Variants in SNTG1 observed in about 807,000 individuals in gnomAD.
SNTG1 encodes gamma-1-syntrophin.
In SNTG1, 39 loss-of-function variants were observed where a neutral mutation model predicts 74.7. The ratio of observed to expected loss-of-function variants is 0.52; its 90% CI spans 0.40 to 0.68. The LOEUF (loss-of-function observed/expected upper bound fraction) is 0.68. SNTG1 is among the 30% of genes least tolerant of loss of function. The pLI is 0.00. For synonymous variants in SNTG1, 254 were observed against 217.1 expected (o/e 1.17, Z -1.49); for missense variants, 685 against 609.5 (o/e 1.12, Z -1.30).
intron 8 of SNTG1, among the ~76,000 whole-genome samples, chr8:50,452,858 A>C (rs2093469509): frequency 6.6e-6 from 1 of 152,208 alleles, no homozygotes; most frequent in Non-Finnish European, 1.5e-5. Context: ...TAGAACAGAG[A>C]TATTAATTAA....
At chr8:50,392,835 A>G (rs2092680331) in intron 2 of SNTG1, among the ~76,000 whole-genome samples, 1 of 152,162 alleles carries the variant, frequency 6.6e-6, no homozygotes, top group Non-Finnish European at 1.5e-5. Context: ...TTTAAGATGT[A>G]TGCATTAAAA....
chr8:50,155,963 A>G (rs1364530478), intron 1 of SNTG1, among the ~76,000 whole-genome samples: 1 of 152,008 alleles, frequency 6.6e-6, no homozygotes, highest in Admixed American at 6.6e-5. Flanking sequence ...CATATATAGA[A>G]GTGTAAAAAG....
At chr8:50,690,692 T>A (rs2095374048) in intron 15 of SNTG1, among the ~76,000 whole-genome samples, 1 of 152,106 alleles carries the variant, frequency 6.6e-6, no homozygotes, top group Admixed American at 6.6e-5. Context: ...TTGGAGTAGG[T>A]GTGGTGTGGT....
intron 8 of SNTG1, among the ~76,000 whole-genome samples, chr8:50,461,214 G>T (rs1554534190): frequency 6.9e-6 from 1 of 145,492 alleles, no homozygotes; most frequent in Non-Finnish European, 1.5e-5. Context: ...TGACTGTACT[G>T]GGTTTATGTG....
intron 2 of SNTG1, among the ~76,000 whole-genome samples, chr8:50,249,466 C>T (rs578105819): frequency 1.3e-5 from 2 of 152,364 alleles, no homozygotes; most frequent in South Asian, 2.1e-4. Flanking sequence ...CCTAGCTTGA[C>T]AGCTTCCTAG....
chr8:50,391,448 C>T (rs183207877), intron 2 of SNTG1, among the ~76,000 whole-genome samples: 7 of 152,124 alleles, frequency 4.6e-5, no homozygotes, highest in Middle Eastern at 3.4e-3. Context: ...ATAAGCTTTT[C>T]GATGTGCTGC....
intron 2 of SNTG1, among the ~76,000 whole-genome samples, chr8:50,235,528 GA>G (rs1031202216): frequency 4.6e-5 from 7 of 151,872 alleles, no homozygotes; most frequent in Non-Finnish European, 7.4e-5. Flanking sequence ...GGTTTTCTAA[GA>G]AAAAAATGTA....
At chr8:50,454,236 C>A (rs2093482004) in intron 8 of SNTG1, among the ~76,000 whole-genome samples, 1 of 152,158 alleles carries the variant, frequency 6.6e-6, no homozygotes, top group Admixed American at 6.5e-5. Flanking sequence ...GTGGCTCATG[C>A]CTGTAATCCC....
chr8:50,421,041 G>A (rs2093076574), intron 4 of SNTG1, among the ~76,000 whole-genome samples: 1 of 102,854 alleles, frequency 9.7e-6, no homozygotes, highest in Non-Finnish European at 2.2e-5. Context: ...AAAAAAGGCG[G>A]TGGGCGGGGG....
At chr8:49,961,820 G>A (rs2129736305) in intron 1 of SNTG1, among the ~76,000 whole-genome samples, 1 of 152,262 alleles carries the variant, frequency 6.6e-6, no homozygotes, top group South Asian at 2.1e-4. Context: ...TAATGGAGAA[G>A]GACACAGACT....
At chr8:50,198,859 T>C (rs2083878513) in intron 2 of SNTG1, among the ~76,000 whole-genome samples, 1 of 151,776 alleles carries the variant, frequency 6.6e-6, no homozygotes, top group Non-Finnish European at 1.5e-5. Context: ...ATCAACAGTA[T>C]GAAAGAAAGG....
intron 2 of SNTG1, among the ~76,000 whole-genome samples, chr8:50,269,151 T>C (rs1179976417): frequency 6.6e-6 from 1 of 152,170 alleles, no homozygotes; most frequent in Non-Finnish European, 1.5e-5. Flanking sequence ...AAAGAAAATA[T>C]CTTTGATATC....
At chr8:50,723,067 A>G (rs896919495) in intron 17 of SNTG1, among the ~76,000 whole-genome samples, 1 of 152,154 alleles carries the variant, frequency 6.6e-6, no homozygotes, top group East Asian at 1.9e-4. Context: ...TCTTTTATGA[A>G]AATATCCTCA....
chr8:50,477,516 G>T (rs75251439), intron 8 of SNTG1, among the ~76,000 whole-genome samples: 2 of 152,062 alleles, frequency 1.3e-5, no homozygotes, highest in Admixed American at 6.6e-5. Flanking sequence ...TGGAGAAATT[G>T]TCAAATCCAA....
intron 2 of SNTG1, among the ~76,000 whole-genome samples, chr8:50,340,688 C>T (rs1287338331): frequency 1.3e-5 from 2 of 151,730 alleles, no homozygotes; most frequent in Non-Finnish European, 3.0e-5. Context: ...GGATACAATA[C>T]CAAAGCATGA....
chr8:50,196,165 CTCTA>C (rs1352811477), intron 2 of SNTG1, among the ~76,000 whole-genome samples: 1 of 152,128 alleles, frequency 6.6e-6, no homozygotes, highest in Non-Finnish European at 1.5e-5. Flanking sequence ...TCTAATGATT[CTCTA>C]TCTGAGTTGA....
At chr8:50,683,406 GA>G (rs566661882) in intron 15 of SNTG1, among the ~76,000 whole-genome samples, 1 of 152,132 alleles carries the variant, frequency 6.6e-6, no homozygotes, top group Non-Finnish European at 1.5e-5. Flanking sequence ...TCATTCTTTA[GA>G]AGAGGACTCA....
chr8:50,110,844 T>G (rs908874390), intron 1 of SNTG1, among the ~76,000 whole-genome samples: 2 of 152,092 alleles, frequency 1.3e-5, no homozygotes, highest in African/African-American at 4.8e-5. Flanking sequence ...CCTGGCTAAA[T>G]TGGGCCAATG....
At chr8:50,410,460 TC>T (rs1325559613) in intron 4 of SNTG1, among the ~76,000 whole-genome samples, 3 of 152,222 alleles carry the variant, frequency 2.0e-5, no homozygotes, top group African/African-American at 7.2e-5. Flanking sequence ...ATTGCATTCT[TC>T]TTTTATTTAA....
Sources: allele counts gnomAD v4.1 joint callset (sites outside exome capture counted in the v4.1 genomes callset), GRCh38; gene constraint gnomAD v4.1.1; transcripts MANE v1.5; gene names NCBI Gene and HGNC (gene_info 2026-07-23, HGNC 2026-07-21).